The following ARHGEF9 variants were observed in gnomAD, a reference collection of about 807,000 sequenced individuals.
The protein encoded by ARHGEF9 is rho guanine nucleotide exchange factor 9.
Under a neutral mutation model 41.3 loss-of-function variants are expected in ARHGEF9, and 2 were observed. That is an observed-to-expected ratio of 0.05 (90% CI 0.02 to 0.15). The LOEUF is 0.15. Among genes scored for constraint, ARHGEF9 ranks in the 10% least tolerant of loss-of-function variants. The pLI, the probability that ARHGEF9 is intolerant of heterozygous loss-of-function variation, is 1.00. For synonymous variants in ARHGEF9, 160 were observed against 154.4 expected, an observed-to-expected ratio of 1.04 and a Z score of -0.27; for missense variants, 225 against 424.7, an observed-to-expected ratio of 0.53 and a Z score of 4.13.
intron 2 of ARHGEF9, chrX:63,719,788 CT>C: frequency 3.4e-6 from 1 of 296,370 alleles, no homozygotes; most frequent in South Asian, 2.0e-4. Context: ...GCATTTTGAC[CT>C]TTTTGGCACT....
intron 4 of ARHGEF9, among the ~76,000 whole-genome samples, chrX:63,693,720 TA>T (rs1199367578): frequency 1.8e-5 from 2 of 109,650 alleles, no homozygotes; most frequent in African/African-American, 6.6e-5. Flanking sequence ...ACAATACACT[TA>T]AAACGGGAAA....
chrX:63,743,139 G>A (rs1260838277), intron 1 of ARHGEF9, among the ~76,000 whole-genome samples: 8 of 111,490 alleles, frequency 7.2e-5, no homozygotes, highest in African/African-American at 2.6e-4. Context: ...GGAGGCGGAG[G>A]TTGCAGTGAG....
chrX:63,639,210 T>A (rs1280097304), intron 9 of ARHGEF9, among the ~76,000 whole-genome samples: 1 of 111,964 alleles, frequency 8.9e-6, no homozygotes, highest in East Asian at 2.8e-4. Flanking sequence ...GGAAGTAGTA[T>A]CATTTAAGCC....
intron 6 of ARHGEF9, among the ~76,000 whole-genome samples, chrX:63,668,482 GA>G (rs1301848560): frequency 9.0e-6 from 1 of 110,917 alleles, no homozygotes; most frequent in Admixed American, 9.6e-5. Context: ...CCACCAATTA[GA>G]AAAAAAATTA....
chrX:63,738,782 T>G (rs1192986082), intron 1 of ARHGEF9, among the ~76,000 whole-genome samples: 1 of 111,547 alleles, frequency 9.0e-6, no homozygotes, highest in Non-Finnish European at 1.9e-5. Context: ...TTTCCTCCAA[T>G]GCCTGCCCCT....
At chrX:63,710,036 G>T (rs1483527713) in intron 2 of ARHGEF9, among the ~76,000 whole-genome samples, 2 of 108,959 alleles carry the variant, frequency 1.8e-5, no homozygotes, top group African/African-American at 6.7e-5. Context: ...AGTTAAAATA[G>T]AAAAAATAGA....
At chrX:63,640,719 TAATGTCCCAGTGTTA>T (rs2047573182) in intron 9 of ARHGEF9, 1 of 111,958 alleles carries the variant, frequency 8.9e-6, no homozygotes, top group Non-Finnish European at 1.9e-5. Flanking sequence ...ACTGAGTTGA[TAATGTCCCAGTGTTA>T]CAGATGGTGT....
At chrX:63,750,090 T>C (rs1225165763) in intron 1 of ARHGEF9, among the ~76,000 whole-genome samples, 2 of 112,358 alleles carry the variant, frequency 1.8e-5, no homozygotes, top group Non-Finnish European at 3.8e-5. Context: ...AAGATCCAGA[T>C]GCCTTGTAGG....
At chrX:63,649,779 A>G (rs1280031109) in intron 8 of ARHGEF9, among the ~76,000 whole-genome samples, 1 of 112,005 alleles carries the variant, frequency 8.9e-6, no homozygotes, top group Non-Finnish European at 1.9e-5. Context: ...TCCCACAGAA[A>G]TACAAACTAC....
At chrX:63,702,474 C>T (rs1303855236) in intron 3 of ARHGEF9, among the ~76,000 whole-genome samples, 1 of 112,306 alleles carries the variant, frequency 8.9e-6, no homozygotes, top group African/African-American at 3.2e-5. Flanking sequence ...CATTGAATAA[C>T]TTCAATTAAA....
chrX:63,767,087 A>T (rs1438843641), intron 1 of ARHGEF9: 1 of 1,009,352 alleles, frequency 9.9e-7, no homozygotes, highest in Non-Finnish European at 1.4e-6. Flanking sequence ...ACAACCCTAA[A>T]GTTTAGGCAT....
At chrX:63,705,587 T>TG (rs1556400900) in intron 3 of ARHGEF9, among the ~76,000 whole-genome samples, 1 of 110,344 alleles carries the variant, frequency 9.1e-6, no homozygotes, top group Non-Finnish European at 1.9e-5. Flanking sequence ...AGACAGCTCT[T>TG]GGGGAAAAAA....
chrX:63,771,420 G>T (rs2056202198), intron 1 of ARHGEF9, among the ~76,000 whole-genome samples: 1 of 111,794 alleles, frequency 8.9e-6, no homozygotes, highest in Non-Finnish European at 1.9e-5. Flanking sequence ...TATCAACTTG[G>T]CTGAGCCACC....
In ARHGEF9 at chrX:63,643,225, G is replaced by A. The variant is rs781881329; in HGVS notation, c.1390+755C>T. ...CAAGGTATTTTTTCTTAAGTACTTTGGCTTGTAGTTAAGAGAAAGAGAATA... is the reference window on the plus strand; with the variant it reads ...CAAGGTATTTTTTCTTAAGTACTTTAGCTTGTAGTTAAGAGAAAGAGAATA... On this transcript the variant is annotated intron_variant, in intron 9 of 9. Transcript: ENST00000671741. Among the ~76,000 whole-genome samples the A allele has an allele frequency of 2.7e-5, 3 of 111,887 alleles. No homozygotes were observed. The South Asian group carries it at 1.1e-3, about 42-fold the overall frequency.
At chrX:63,692,214 T>C (rs370194100) in intron 4 of ARHGEF9, among the ~76,000 whole-genome samples, 2 of 112,091 alleles carry the variant, frequency 1.8e-5, no homozygotes, top group Admixed American at 9.5e-5. Context: ...AATGGGATTA[T>C]ATCAAGCTAA....
chrX:63,760,750 A>C (rs1284826100), intron 1 of ARHGEF9, among the ~76,000 whole-genome samples: 1 of 111,728 alleles, frequency 9.0e-6, no homozygotes, highest in African/African-American at 3.3e-5. Context: ...TTGGGCCCAC[A>C]TGGTGCTAGG....
chrX:63,675,365 C>T (rs782303113), intron 5 of ARHGEF9, among the ~76,000 whole-genome samples: 4 of 111,473 alleles, frequency 3.6e-5, no homozygotes, highest in Admixed American at 1.9e-4. Context: ...AATATCCTCA[C>T]GTTTGCTTTT....
At chrX:63,719,326 G>C in intron 2 of ARHGEF9, among the ~76,000 whole-genome samples, 1 of 112,054 alleles carries the variant, frequency 8.9e-6, no homozygotes, top group Admixed American at 9.4e-5. Context: ...TCTCAAGAAC[G>C]CAAAAACACT....
rs2147507989 is a variant in ARHGEF9, at chrX:63,706,324, G to A, written c.336C>T (p.Ala112=). The A allele has an allele frequency of 8.3e-7, 1 of 1,206,675 alleles. No individual in the cohort carries two copies. The highest frequency in any genetic ancestry group is 1.1e-6 in the Non-Finnish European group (1 of 892,999). ...RPLQNRDQMR[A]NVINEIMSTE... ...TGCTCATTATCTCATTGATGACATT[G>A]GCCCGCATCTGGTCCCGGTTCTGTA... Residue 112 remains alanine, a synonymous_variant, in exon 3 of 10, where the codon GCC becomes GCT. Coordinates refer to ENST00000671741, the MANE Select transcript of ARHGEF9 (RefSeq NM_001353921.2).
Sources: allele counts gnomAD v4.1 joint callset (sites outside exome capture counted in the v4.1 genomes callset), GRCh38; gene constraint gnomAD v4.1.1; transcripts MANE v1.5; gene names NCBI Gene and HGNC (gene_info 2026-07-23, HGNC 2026-07-21).